TLE4: variants seen among roughly 807,000 people sequenced by gnomAD.
TLE4 encodes TLE family member 4, transcriptional corepressor, also known as transducin-like enhancer protein 4.
A neutral mutation model predicts 92.8 loss-of-function variants in TLE4; 8 were observed. The ratio of observed to expected loss-of-function variants is 0.09; its 90% CI spans 0.05 to 0.16. The LOEUF (loss-of-function observed/expected upper bound fraction) is 0.16, where lower values mean the gene tolerates loss of function less well. Among genes scored for constraint, TLE4 ranks in the 10% least tolerant of loss-of-function variants. The pLI is 1.00. For synonymous variants in TLE4, 371 were observed against 374.1 expected (o/e 0.99, Z 0.10); for missense variants, 675 against 997.6 (o/e 0.68, Z 4.36).
chr9:79,717,257 T>C (rs1314610202), intron 14 of TLE4, among the ~76,000 whole-genome samples: 1 of 152,196 alleles, frequency 6.6e-6, no homozygotes, highest in African/African-American at 2.4e-5. Context: ...ACCCTTGAGT[T>C]ATGCTTTCCT....
At chr9:79,646,102 A>G (rs560617961) in intron 6 of TLE4, among the ~76,000 whole-genome samples, 72 of 151,414 alleles carry the variant, frequency 4.8e-4, no homozygotes, top group Non-Finnish European at 1.0e-4. Flanking sequence ...TTAACCTGCT[A>G]GTTTATAATG....
intron 6 of TLE4, among the ~76,000 whole-genome samples, chr9:79,647,805 G>A (rs930096085): frequency 4.6e-5 from 7 of 151,940 alleles, no homozygotes; most frequent in Non-Finnish European, 8.8e-5. Flanking sequence ...TTTTGTCTTG[G>A]ATTGTTAAGT....
At chr9:79,624,664 T>A (rs2052015336) in intron 5 of TLE4, among the ~76,000 whole-genome samples, 1 of 152,168 alleles carries the variant, frequency 6.6e-6, no homozygotes. Context: ...TCTGAAAAAA[T>A]GCACTTGATT....
chr9:79,667,904 T>C (rs963924324), intron 8 of TLE4, among the ~76,000 whole-genome samples: 6 of 152,254 alleles, frequency 3.9e-5, no homozygotes, highest in Admixed American at 2.0e-4. Context: ...TTCATCTGCC[T>C]TTGTTCCTTT....
At chr9:79,678,575 T>C (rs967311909) in intron 8 of TLE4, among the ~76,000 whole-genome samples, 2 of 152,034 alleles carry the variant, frequency 1.3e-5, no homozygotes, top group South Asian at 2.1e-4. Context: ...GCTTTAGGTT[T>C]CAGTGGCACT....
intron 14 of TLE4, among the ~76,000 whole-genome samples, chr9:79,716,976 T>A (rs1045156050): frequency 6.6e-6 from 1 of 152,198 alleles, no homozygotes; most frequent in Non-Finnish European, 1.5e-5. Flanking sequence ...GAACATCTTC[T>A]CCCCCTTTCT....
At chr9:79,576,460 ATTC>A (rs1587594815) in intron 4 of TLE4, 2 of 231,192 alleles carry the variant, frequency 8.7e-6, no homozygotes, top group Middle Eastern at 1.4e-3. Flanking sequence ...TCCTCTTGTT[ATTC>A]TTCTGAAAGA....
At chr9:79,627,555 C>G in intron 6 of TLE4, 107 bp downstream of exon 6, 1 of 1,111,816 alleles carries the variant, frequency 9.0e-7, no homozygotes, top group Non-Finnish European at 1.3e-6. Context: ...CAATAGATGA[C>G]TACAAAATGA....
chr9:79,579,147 G>T (rs1309462949), intron 4 of TLE4, among the ~76,000 whole-genome samples: 3 of 152,160 alleles, frequency 2.0e-5, no homozygotes, highest in Non-Finnish European at 2.9e-5. Context: ...TAAGTGTATG[G>T]TTTTTGTTTT....
intron 8 of TLE4, among the ~76,000 whole-genome samples, chr9:79,657,362 A>G (rs2059917832): frequency 6.6e-6 from 1 of 152,230 alleles, no homozygotes; most frequent in Non-Finnish European, 1.5e-5. Context: ...CATCTTATGT[A>G]GTATCAAGAA....
intron 5 of TLE4, among the ~76,000 whole-genome samples, chr9:79,623,543 C>T (rs2051606576): frequency 6.6e-6 from 1 of 152,082 alleles, no homozygotes; most frequent in African/African-American, 2.4e-5. Flanking sequence ...GCCCTTTCCC[C>T]TGCAACCATG....
intron 5 of TLE4, 24 bp downstream of exon 5, chr9:79,612,742 T>A: frequency 6.2e-7 from 1 of 1,609,916 alleles, no homozygotes; most frequent in Non-Finnish European, 8.5e-7. Context: ...TTTTAGGCAC[T>A]GGACTAGAAG....
intron 4 of TLE4, among the ~76,000 whole-genome samples, chr9:79,588,846 CT>C (rs2041852351): frequency 6.6e-6 from 1 of 152,100 alleles, no homozygotes; most frequent in Non-Finnish European, 1.5e-5. Context: ...AATTGTGTAC[CT>C]TTTTTGTGGG....
At chr9:79,654,486 G>A (rs2059485414) in intron 8 of TLE4, among the ~76,000 whole-genome samples, 1 of 149,554 alleles carries the variant, frequency 6.7e-6, no homozygotes, top group Admixed American at 6.6e-5. Context: ...TTGTTTAAGT[G>A]AATGGTGCAT....
chr9:79,573,613 C>T, intron 1 of TLE4, 76 bp from the exon 2 acceptor site: 1 of 1,254,714 alleles, frequency 8.0e-7, no homozygotes, highest in Admixed American at 2.1e-5. Flanking sequence ...CCGCTAACGC[C>T]GCATAGTAGG....
chr9:79,701,140 A>G (rs1016130412), intron 8 of TLE4, among the ~76,000 whole-genome samples: 1 of 152,242 alleles, frequency 6.6e-6, no homozygotes. Flanking sequence ...TGGACTTACA[A>G]GATTCATGAT....
chr9:79,674,368 A>G (rs1369937562), intron 8 of TLE4, among the ~76,000 whole-genome samples: 1 of 152,184 alleles, frequency 6.6e-6, no homozygotes, highest in Non-Finnish European at 1.5e-5. Flanking sequence ...CACCCAGAAC[A>G]TAAGTGATGA....
chr9:79,573,834 C>A, intron 2 of TLE4, 48 bp downstream of exon 2: 1 of 1,386,398 alleles, frequency 7.2e-7, no homozygotes, highest in Non-Finnish European at 9.9e-7. Flanking sequence ...TAGCTCTTGT[C>A]TCCCCGACAA....
intron 6 of TLE4, among the ~76,000 whole-genome samples, chr9:79,641,119 TA>T (rs761170778): frequency 0.026 from 3,650 of 138,052 alleles, 58 homozygotes; most frequent in African/African-American, 0.05. Flanking sequence ...CTTTAAAACT[TA>T]AAAAAAAAAA....
Sources: gnomAD v4.1 joint callset for allele counts (sites outside exome capture counted in the v4.1 genomes callset) on GRCh38, gnomAD v4.1.1 for gene constraint, MANE v1.5 for transcripts, NCBI Gene and HGNC (gene_info 2026-07-23, HGNC 2026-07-21) for gene names.